Variants in UTP18 observed in about 807,000 individuals in gnomAD.
The protein encoded by UTP18 is U3 small nucleolar RNA-associated protein 18 homolog.
In UTP18, 36 loss-of-function variants were observed where a neutral mutation model predicts 61.1. The ratio of observed to expected loss-of-function variants is 0.59; its 90% confidence interval spans 0.45 to 0.78. The LOEUF (loss-of-function observed/expected upper bound fraction) is 0.78. Ranked by LOEUF, UTP18 falls within the 30% of genes least tolerant of loss-of-function variation. UTP18 has a pLI of 0.00. For synonymous variants in UTP18, 282 were observed against 251.1 expected, an observed-to-expected ratio of 1.12 and a Z score of -1.16; for missense variants, 753 against 693.9, an observed-to-expected ratio of 1.09 and a Z score of -0.96.
chr17:51,269,666 GT>G (rs1904446946), intron 4 of UTP18, among the ~76,000 whole-genome samples: 1 of 152,062 alleles, frequency 6.6e-6, no homozygotes, highest in Non-Finnish European at 1.5e-5. Context: ...AAGAGCCAGT[GT>G]TTTATATAAT....
At chr17:51,261,057 C>A in intron 1 of UTP18, 131 bp downstream of exon 1, 1 of 834,310 alleles carries the variant, frequency 1.2e-6, no homozygotes, top group Non-Finnish European at 1.6e-6. Context: ...AGCCCGAGAA[C>A]GCGGGCGCGG....
intron 9 of UTP18, among the ~76,000 whole-genome samples, 161 bp from the exon 10 acceptor site, chr17:51,285,084 A>G (rs1328259902): frequency 6.6e-6 from 1 of 151,960 alleles, no homozygotes; most frequent in Non-Finnish European, 1.5e-5. Context: ...AGGAAAAAAG[A>G]AAAGAAATAT....
At position 51,275,964 on chromosome 17, in the gene UTP18, A is replaced by G; in HGVS notation, c.810A>G (p.Gly270=). ...HPGAQIVMVA[G]LDNAVSLFQV... is the part of the protein sequence containing the mutation. ...GTGCACAGATTGTGATGGTTGCTGG[A>G]TTAGATAATGCTGTATCACTATTTC... Residue 270 remains glycine, a synonymous_variant, in exon 6 of 14, where the codon GGA becomes GGG. Transcript: ENST00000225298. 1.2e-6 allele frequency: 2 copies of G among 1,612,528 alleles called. No individual in the cohort carries two copies. Among genetic ancestry groups the G allele is most frequent in the South Asian group, 1.1e-5 (1 of 90,814 alleles).
chr17:51,292,277 A>C (rs557531908), intron 11 of UTP18, among the ~76,000 whole-genome samples: 184 of 152,348 alleles, frequency 1.2e-3, no homozygotes, highest in Middle Eastern at 3.4e-3. Context: ...GTGAAGTCCA[A>C]ATTGGGGTAC....
chr17:51,260,744 C>T lies in UTP18; in HGVS notation c.160C>T (p.Pro54Ser). ...PSSQRKPPAR[P>S]SAAAAAIAVA... ...ATCCCAGCGGAAACCGCCGGCCCGG[C>T]CGAGCGCGGCGGCCGCTGCGATTGC... The change falls in exon 1 of 14, where the codon CCG becomes TCG. Residue 54 changes from proline to serine, a missense_variant. By Grantham distance (74) the Pro-to-Ser change is moderately conservative (BLOSUM62 -1). Coordinates refer to ENST00000225298, the MANE Select transcript of UTP18 (RefSeq NM_016001.3). 6.3e-7 allele frequency: 1 copy of T among 1,585,208 alleles called. No individual in the cohort carries two copies. Among genetic ancestry groups the T allele is most frequent in the Non-Finnish European group, 8.6e-7 (1 of 1,166,722 alleles).
rs1904405264 is a variant in UTP18 at position 51,268,917 on chromosome 17, A to G, written c.622+13A>G. 7 of 1,612,340 alleles carry G rather than the reference A, an allele frequency of 4.3e-6. No homozygotes were observed. In the East Asian group the frequency reaches 1.6e-4, roughly 36 times the overall value. ...ACATCTTCAGATGGTGAGCGTTGAT[A>G]TTTCTGTTTAAATTAGTACATAAGT... On this transcript the variant is annotated intron_variant, in intron 4 of 13. Coordinates refer to ENST00000225298, the MANE Select transcript of UTP18 (RefSeq NM_016001.3).
chr17:51,260,598 G>T lies in UTP18; in HGVS notation c.14G>T (p.Arg5Leu). The T allele has an allele frequency of 6.2e-7, 1 of 1,612,446 alleles. No homozygotes were observed. The highest frequency in any genetic ancestry group is 1.7e-5 in the Admixed American group (1 of 59,948). Reference protein sequence around the residue: MPPERRRRMKLDRRT... With the variant: MPPELRRRMKLDRRT... ...TCAAACCTAACGATGCCGCCGGAGC[G>T]GAGGAGACGAATGAAACTGGACCGG... The change falls in exon 1 of 14, where the codon CGG (arginine) becomes CTG (leucine). Residue 5 changes from arginine to leucine, a missense_variant. By Grantham distance (102) the Arg-to-Leu change is moderately radical. Transcript: ENST00000225298.
At chr17:51,286,917 G>A (rs994613793) in intron 10 of UTP18, among the ~76,000 whole-genome samples, 2 of 151,952 alleles carry the variant, frequency 1.3e-5, no homozygotes, top group East Asian at 3.9e-4. Flanking sequence ...ATGTTGGTGT[G>A]CTGCACCCAT....
intron 9 of UTP18, among the ~76,000 whole-genome samples, chr17:51,284,341 TTAGAG>T (rs1488524971): frequency 5.9e-5 from 9 of 152,186 alleles, no homozygotes; most frequent in African/African-American, 1.9e-4. Flanking sequence ...TGTAGGGTCA[TTAGAG>T]TAAACTATTT....
rs147476187 is a variant in UTP18, at chr17:51,272,133, C to T, written c.623-1229C>T. ...TGTTTTTTTGAGACAGAGTCTTATT[C>T]TGTTGCCCAGGCTGGAGTGCAGTGG... On this transcript the variant is annotated intron_variant, in intron 4 of 13. Coordinates refer to ENST00000225298, the MANE Select transcript of UTP18 (RefSeq NM_016001.3). Among the ~76,000 whole-genome samples, 798 of 151,804 alleles carry T rather than the reference C, an allele frequency of 5.3e-3. 7 individuals carry two copies. The highest frequency in any genetic ancestry group is 0.017 in the Middle Eastern group (5 of 292).
chr17:51,288,583 G>C (rs1336339981), intron 11 of UTP18: 4 of 457,074 alleles, frequency 8.8e-6, no homozygotes, highest in Non-Finnish European at 1.8e-5. Flanking sequence ...CAATTCTCGG[G>C]TTTTGAAAGT....
chr17:51,292,095 A>G (rs926559067), intron 11 of UTP18, among the ~76,000 whole-genome samples: 1 of 152,256 alleles, frequency 6.6e-6, no homozygotes, highest in African/African-American at 2.4e-5. Flanking sequence ...ACAAATTTAT[A>G]TAATATCTGC....
chr17:51,296,181 A>G (rs1018543223), intron 12 of UTP18: 13 of 152,200 alleles, frequency 8.5e-5, no homozygotes, highest in African/African-American at 2.9e-4. Flanking sequence ...GACAAGGTGG[A>G]TCTTTAGGGA....
intron 8 of UTP18, 93 bp from the exon 9 acceptor site, chr17:51,280,296 T>C: frequency 1.4e-6 from 2 of 1,429,858 alleles, no homozygotes; most frequent in Non-Finnish European, 1.9e-6. Flanking sequence ...GAGTAGGTGC[T>C]AGAAAATAGA....
chr17:51,282,120 A>G (rs1008102781), intron 9 of UTP18, among the ~76,000 whole-genome samples: 1 of 152,216 alleles, frequency 6.6e-6, no homozygotes, highest in Non-Finnish European at 1.5e-5. Context: ...TAATCTTAGT[A>G]TAGCTAATGC....
At chr17:51,264,934 C>T (rs572407074) in intron 2 of UTP18, among the ~76,000 whole-genome samples, 78 of 152,216 alleles carry the variant, frequency 5.1e-4, no homozygotes, top group African/African-American at 1.7e-3. Flanking sequence ...CTGTTTGCCT[C>T]GGCCTCCTAA....
chr17:51,283,167 C>G (rs1905002119), intron 9 of UTP18, among the ~76,000 whole-genome samples: 1 of 148,658 alleles, frequency 6.7e-6, no homozygotes, highest in Non-Finnish European at 1.5e-5. Context: ...CCGCGCCCAG[C>G]CACTTCTTTT....
chr17:51,285,762 A>G (rs917752027), intron 10 of UTP18, among the ~76,000 whole-genome samples: 3 of 152,240 alleles, frequency 2.0e-5, no homozygotes, highest in African/African-American at 7.2e-5. Context: ...ACTTTTTTAT[A>G]GAGATGTGTG....
chr17:51,284,148 G>A (rs761480468), intron 9 of UTP18, among the ~76,000 whole-genome samples: 2 of 152,148 alleles, frequency 1.3e-5, no homozygotes, highest in African/African-American at 2.4e-5. Context: ...TAACCTGCAC[G>A]CTTACTCTAG....
Sources: allele counts gnomAD v4.1 joint callset (sites outside exome capture counted in the v4.1 genomes callset), GRCh38; gene constraint gnomAD v4.1.1; transcripts MANE v1.5; gene names NCBI Gene and HGNC (gene_info 2026-07-23, HGNC 2026-07-21).